The following DDX4 variants were observed in gnomAD, a reference collection of about 807,000 sequenced individuals.
DDX4 encodes probable ATP-dependent RNA helicase DDX4.
Under a neutral mutation model 100.0 loss-of-function variants are expected in DDX4, and 25 were observed. That is an observed-to-expected ratio of 0.25 (90% CI 0.18 to 0.35). The LOEUF (loss-of-function observed/expected upper bound fraction) is 0.35, where lower values mean the gene tolerates loss of function less well. DDX4 is among the 10% of genes least tolerant of loss of function. DDX4 has a pLI of 1.00. For missense variants in DDX4, 635 were observed against 882.4 expected (o/e 0.72, Z 3.55); for synonymous variants, 259 against 275.7 (o/e 0.94, Z 0.60).
In DDX4 at chr5:55,792,658, C is replaced by G. The variant is rs201103498; in HGVS notation, c.1320C>G (p.Ile440Met). The G allele has an allele frequency of 5.6e-5, 88 of 1,582,410 alleles. No homozygotes were observed. The highest frequency in any genetic ancestry group is 3.3e-4 in the Middle Eastern group (2 of 5,972). Residue 440 changes from isoleucine to methionine, a missense_variant, in exon 17 of 22, where the codon ATC (isoleucine) becomes ATG (methionine). Ile to Met is a conservative substitution (Grantham distance 10). Around this residue, in one of 4 missense-constraint regions of DDX4, gnomAD observed 446 missense variants for 540.8 expected, o/e 0.82. Coordinates refer to ENST00000505374, the MANE Select transcript of DDX4 (RefSeq NM_024415.3). ...CCTTAAAGATTGGTCTCAAACAGAT[C>G]AAATACTTAGTTTTGGATGAAGCTG... ...IGKEKIGLKQIKYLVLDEADR... is the reference protein window; with the variant it reads ...IGKEKIGLKQMKYLVLDEADR...
In DDX4 at chr5:55,772,525, C is replaced by G. The variant is rs1019428205; in HGVS notation, c.394+4585C>G. 2.0e-5 allele frequency among the ~76,000 whole-genome samples: 3 copies of G among 152,240 alleles called. No individual in the cohort carries two copies. In the East Asian group the frequency reaches 5.8e-4, roughly 29 times the overall value. ...GTAAGTCTTTCAAGTGCTTGTTTTT[C>G]AAGTGCTATGGTTTGGATGTTTGTC... On this transcript the variant is annotated intron_variant, in intron 7 of 21. Coordinates refer to ENST00000505374, the MANE Select transcript of DDX4 (RefSeq NM_024415.3).
chr5:55,792,191 GCA>G (rs1377703074), intron 16 of DDX4, among the ~76,000 whole-genome samples: 3 of 147,810 alleles, frequency 2.0e-5, no homozygotes, highest in Non-Finnish European at 4.5e-5. Context: ...AAGTTTTATT[GCA>G]CAGTGTTGAT....
At chr5:55,790,004 CAT>C (rs1742464888) in intron 15 of DDX4, among the ~76,000 whole-genome samples, 1 of 151,862 alleles carries the variant, frequency 6.6e-6, no homozygotes, top group Admixed American at 6.6e-5. Context: ...CCTCATGTAA[CAT>C]GTTGCTTTCA....
chr5:55,783,590 G>T (rs1368311864), intron 10 of DDX4, among the ~76,000 whole-genome samples: 2 of 152,006 alleles, frequency 1.3e-5, no homozygotes, highest in Non-Finnish European at 2.9e-5. Flanking sequence ...GTGTATATTA[G>T]TTAGGGTTCT....
At chr5:55,766,689 G>T (rs946172165) in intron 6 of DDX4, among the ~76,000 whole-genome samples, 3 of 152,054 alleles carry the variant, frequency 2.0e-5, no homozygotes, top group African/African-American at 7.2e-5. Context: ...AATGGATTGG[G>T]ACTTTCACAC....
At position 55,742,315 on chromosome 5, in the gene DDX4, C is replaced by T. The variant is rs117704273; in HGVS notation, c.69+3283C>T. On this transcript the variant is annotated intron_variant, in intron 2 of 21. Coordinates refer to ENST00000505374, the MANE Select transcript of DDX4 (RefSeq NM_024415.3). ...GCTGTGAGGCCTCTTGTTAACTGAC[C>T]GTGAATGTAAGCCTGTATAGTGATC... is the stretch of plus-strand genomic sequence containing the variant. 4.9e-4 allele frequency: 218 copies of T among 446,946 alleles called. 2 individuals carry two copies. The East Asian group carries it at 0.012, about 24-fold the overall frequency. 27.7% of individuals were successfully genotyped at this position (446,946 alleles called of 1,614,324 possible).
At chr5:55,768,944 C>G (rs1352201502) in intron 7 of DDX4, among the ~76,000 whole-genome samples, 1 of 152,156 alleles carries the variant, frequency 6.6e-6, no homozygotes, top group Non-Finnish European at 1.5e-5. Flanking sequence ...TGCCCATGTC[C>G]ATTGTCCACT....
At position 55,798,540 on chromosome 5, in the gene DDX4, A is replaced by G. The variant is rs779053357; in HGVS notation, c.1584A>G (p.Arg528=). The G allele has an allele frequency of 3.1e-6, 5 of 1,609,562 alleles. No individual in the cohort carries two copies. The highest frequency in any genetic ancestry group is 2.2e-5 in the South Asian group (2 of 90,064). The change falls in exon 18 of 22, where the codon AGA becomes AGG. Residue 528 remains arginine, a synonymous_variant. Coordinates refer to ENST00000505374, the MANE Select transcript of DDX4 (RefSeq NM_024415.3). Reference sequence around the variant, plus strand: ...TCCAAGTTGGCCAGTTCTCAAAAAGAGAAAAGCTCGTTGAAATTCTGCGAA... The same window carrying G: ...TCCAAGTTGGCCAGTTCTCAAAAAGGGAAAAGCTCGTTGAAATTCTGCGAA... The part of the protein sequence containing the change: ...TVLQVGQFSK[R]EKLVEILRNI...
intron 3 of DDX4, among the ~76,000 whole-genome samples, chr5:55,758,571 A>AGTT (rs1487341161): frequency 1.3e-5 from 2 of 151,962 alleles, no homozygotes; most frequent in Non-Finnish European, 2.9e-5. Flanking sequence ...TCTGTAGGAG[A>AGTT]GTTGGGTTTT....
chr5:55,770,244 A>G (rs971253391), intron 7 of DDX4, among the ~76,000 whole-genome samples: 2 of 152,088 alleles, frequency 1.3e-5, no homozygotes, highest in Non-Finnish European at 2.9e-5. Context: ...ATGTGCTATC[A>G]ATTACAGAAG....
At chr5:55,812,422 G>T (rs1041309253) in intron 18 of DDX4, among the ~76,000 whole-genome samples, 2 of 152,132 alleles carry the variant, frequency 1.3e-5, no homozygotes, top group African/African-American at 2.4e-5. Context: ...AAATTAGCTG[G>T]GTGTGGTGGC....
At chr5:55,756,184 C>T (rs766899506) in intron 3 of DDX4, among the ~76,000 whole-genome samples, 1 of 151,978 alleles carries the variant, frequency 6.6e-6, no homozygotes, top group African/African-American at 2.4e-5. Context: ...TCATGTCTTT[C>T]GGTGGATATA....
At chr5:55,756,162 A>T (rs924363681) in intron 3 of DDX4, among the ~76,000 whole-genome samples, 1 of 152,130 alleles carries the variant, frequency 6.6e-6, no homozygotes, top group African/African-American at 2.4e-5. Flanking sequence ...TCTCTTAAGA[A>T]TGTTTTCCAA....
chr5:55,807,732 C>G (rs1561517259), intron 18 of DDX4, among the ~76,000 whole-genome samples: 3 of 152,170 alleles, frequency 2.0e-5, no homozygotes, highest in Admixed American at 2.0e-4. Flanking sequence ...GTAACCCGAC[C>G]TTTCTCTCTG....
intron 3 of DDX4, among the ~76,000 whole-genome samples, chr5:55,749,984 CAAAA>C (rs56883424): frequency 8.1e-6 from 1 of 123,270 alleles, no homozygotes; most frequent in African/African-American, 2.9e-5. Flanking sequence ...TTATTCAGAG[CAAAA>C]AAAAAAAAAA....
intron 18 of DDX4, among the ~76,000 whole-genome samples, chr5:55,808,165 C>G (rs151025232): frequency 0.011 from 1,736 of 152,252 alleles, 37 homozygotes; most frequent in African/African-American, 0.04. Flanking sequence ...GTTTTCAGCT[C>G]CATCAGGTCC....
intron 18 of DDX4, among the ~76,000 whole-genome samples, chr5:55,807,811 T>C (rs1695232126): frequency 6.6e-6 from 1 of 152,194 alleles, no homozygotes; most frequent in African/African-American, 2.4e-5. Flanking sequence ...TTGGAGTTGC[T>C]CTTCTCGAGG....
At chr5:55,742,751 A>G (rs1156724696) in intron 2 of DDX4, among the ~76,000 whole-genome samples, 3 of 152,178 alleles carry the variant, frequency 2.0e-5, no homozygotes, top group African/African-American at 7.2e-5. Context: ...TAGGTGCTGG[A>G]GAGAGAGTGG....
Position 55,815,937 on chromosome 5 carries a change from GTTTTTTTTTT to G in DDX4, c.2098-515_2098-506del, listed in dbSNP as rs369016313. On this transcript the variant is annotated intron_variant, in intron 21 of 21. Coordinates refer to ENST00000505374, the MANE Select transcript of DDX4 (RefSeq NM_024415.3). ...CAGGCATGTGCCACCATCTTAGCTG[GTTTTTTTTTT>G]TTTTTTTTTTGTATTTTTAATAGAG... 2.7e-5 allele frequency among the ~76,000 whole-genome samples: 3 copies of G among 109,138 alleles called. No homozygotes were observed. In the East Asian group the frequency reaches 8.4e-4, roughly 30 times the overall value. 71.6% of individuals were successfully genotyped at this position (109,138 alleles called of 152,430 possible).
Sources: gnomAD v4.1 joint callset for allele counts (sites outside exome capture counted in the v4.1 genomes callset) on GRCh38, gnomAD v4.1.1 for gene constraint, gnomAD v4.1.1 regional missense constraint, MANE v1.5 for transcripts, NCBI Gene and HGNC (gene_info 2026-07-23, HGNC 2026-07-21) for gene names.